The following MYT1L variants were observed in gnomAD, a reference collection of about 807,000 sequenced individuals.
MYT1L encodes myelin transcription factor 1-like protein.
In MYT1L, 12 loss-of-function variants were observed where a neutral mutation model predicts 126.7. That is an observed-to-expected ratio of 0.09 (90% confidence interval 0.06 to 0.15). MYT1L has a LOEUF of 0.15. Ranked by LOEUF, MYT1L falls within the 10% of genes least tolerant of loss-of-function variation. The pLI, the probability that MYT1L is intolerant of heterozygous loss-of-function variation, is 1.00. For missense variants in MYT1L, 979 were observed against 1,585.2 expected, an observed-to-expected ratio of 0.62 and a Z score of 6.49; for synonymous variants, 541 against 604.2, an observed-to-expected ratio of 0.90 and a Z score of 1.53.
intron 14 of MYT1L, among the ~76,000 whole-genome samples, chr2:1,895,326 C>T (rs150142110): frequency 3.9e-5 from 6 of 152,292 alleles, no homozygotes; most frequent in Admixed American, 2.6e-4. Flanking sequence ...AAACTACCAA[C>T]GTAATTCTTT....
intron 1 of MYT1L, among the ~76,000 whole-genome samples, chr2:2,299,946 A>C (rs879701971): frequency 6.6e-6 from 1 of 152,194 alleles, no homozygotes; most frequent in Non-Finnish European, 1.5e-5. Flanking sequence ...AAAGGGAAAA[A>C]AAATCAATAC....
At chr2:2,301,843 A>AG (rs1431475992) in intron 1 of MYT1L, among the ~76,000 whole-genome samples, 3 of 151,878 alleles carry the variant, frequency 2.0e-5, no homozygotes, top group African/African-American at 7.3e-5. Context: ...AAAAAAAAAA[A>AG]AAGAAGAAAA....
chr2:1,930,797 G>A (rs2054860518), intron 9 of MYT1L, among the ~76,000 whole-genome samples: 1 of 152,146 alleles, frequency 6.6e-6, no homozygotes, highest in African/African-American at 2.4e-5. Context: ...TTAGGTTCGG[G>A]GGTCCATGTG....
intron 5 of MYT1L, among the ~76,000 whole-genome samples, chr2:1,989,355 C>T (rs888886506): frequency 1.3e-5 from 2 of 152,108 alleles, no homozygotes; most frequent in African/African-American, 4.8e-5. Flanking sequence ...CTAGAAGAGG[C>T]GGCTCTCTGC....
chr2:2,000,324 G>C (rs1395090920), intron 4 of MYT1L, among the ~76,000 whole-genome samples: 4 of 152,164 alleles, frequency 2.6e-5, no homozygotes, highest in African/African-American at 4.8e-5. Flanking sequence ...CCCTTTTGTG[G>C]CTCCTAGTTC....
rs559488370 is a variant in MYT1L, at chr2:2,019,544, T to C, written c.-157-22197A>G. Among the ~76,000 whole-genome samples the C allele has an allele frequency of 2.6e-5, 4 of 152,346 alleles. No individual in the cohort carries two copies. The East Asian group carries it at 7.7e-4, about 29-fold the overall frequency. On this transcript the variant is annotated intron_variant, in intron 4 of 24. Transcript: ENST00000647738. ...TAACCCCAAGTCCACTTATCTCAAG[T>C]GATACATAAATATATTCTCAGTGTG...
chr2:1,816,538 T>C (rs1438017921), intron 21 of MYT1L: 1 of 152,736 alleles, frequency 6.5e-6, no homozygotes, highest in Non-Finnish European at 1.5e-5. Flanking sequence ...GGGGAGGAGG[T>C]GCTGCGTGAG....
chr2:1,799,374 T>A (rs1443274693), intron 23 of MYT1L, among the ~76,000 whole-genome samples: 1 of 152,196 alleles, frequency 6.6e-6, no homozygotes, highest in African/African-American at 2.4e-5. Flanking sequence ...TGCGTTGTTC[T>A]TTAGGGCTCA....
chr2:1,883,138 G>A (rs552534677), intron 18 of MYT1L, among the ~76,000 whole-genome samples: 269 of 152,302 alleles, frequency 1.8e-3, no homozygotes, highest in Non-Finnish European at 2.6e-3. Flanking sequence ...CCTACAAGGA[G>A]TTACACTAAT....
At chr2:2,052,069 A>G (rs2068895913) in intron 4 of MYT1L, among the ~76,000 whole-genome samples, 3 of 152,232 alleles carry the variant, frequency 2.0e-5, no homozygotes, top group Admixed American at 2.0e-4. Flanking sequence ...CTGTAATCAA[A>G]ATAGTGTGGT....
At chr2:2,140,432 C>CTTTTTTT (rs35297300) in intron 3 of MYT1L, among the ~76,000 whole-genome samples, 170 of 112,924 alleles carry the variant, frequency 1.5e-3, no homozygotes, top group Non-Finnish European at 2.0e-3. Context: ...CTTTCTTTTT[C>CTTTTTTT]TTTTTTTTTT....
At chr2:1,876,490 C>A (rs1004878143) in intron 18 of MYT1L, among the ~76,000 whole-genome samples, 1 of 152,124 alleles carries the variant, frequency 6.6e-6, no homozygotes, top group Non-Finnish European at 1.5e-5. Flanking sequence ...CCTGACCCCC[C>A]CGTCCATCTG....
At chr2:1,982,672 C>A (rs568922419) in intron 5 of MYT1L, among the ~76,000 whole-genome samples, 1 of 152,274 alleles carries the variant, frequency 6.6e-6, no homozygotes, top group African/African-American at 2.4e-5. Context: ...CCAGGAGAGA[C>A]AAAGCTGGGG....
intron 8 of MYT1L, among the ~76,000 whole-genome samples, chr2:1,964,533 G>A (rs1030137469): frequency 6.6e-6 from 1 of 152,080 alleles, no homozygotes; most frequent in African/African-American, 2.4e-5. Flanking sequence ...GGCGAAAGTT[G>A]CTCTAAGAAA....
intron 18 of MYT1L, among the ~76,000 whole-genome samples, chr2:1,858,774 C>T (rs953596253): frequency 6.6e-6 from 1 of 152,216 alleles, no homozygotes; most frequent in Non-Finnish European, 1.5e-5. Flanking sequence ...GTGAAGTATG[C>T]GTATTTTGCA....
chr2:1,936,711 A>C (rs550312814), intron 9 of MYT1L, among the ~76,000 whole-genome samples: 28 of 152,300 alleles, frequency 1.8e-4, no homozygotes, highest in African/African-American at 6.5e-4. Flanking sequence ...CATCAGGGAT[A>C]TTTCCCTGAG....
At chr2:1,962,970 A>G (rs2059078415) in intron 8 of MYT1L, among the ~76,000 whole-genome samples, 1 of 152,248 alleles carries the variant, frequency 6.6e-6, no homozygotes, top group Admixed American at 6.5e-5. Context: ...CTTAATGGCA[A>G]CTGGAATGGT....
intron 1 of MYT1L, among the ~76,000 whole-genome samples, chr2:2,295,597 G>GAGAGAGAGAGAGAGAGACAGACAGAC (rs2095665412): frequency 1.1e-5 from 1 of 92,932 alleles, no homozygotes; most frequent in African/African-American, 5.0e-5. Flanking sequence ...GACAGACAGA[G>GAGAGAGAGAGAGAGAGACAGACAGAC]AGAGAGACAG....
intron 5 of MYT1L, among the ~76,000 whole-genome samples, chr2:1,996,705 G>C (rs368114084): frequency 5.0e-4 from 67 of 134,626 alleles, no homozygotes; most frequent in Admixed American, 3.0e-3. Context: ...GTGTAGATGG[G>C]CCGCCTTTAC....
Sources: gnomAD v4.1 joint callset for allele counts (sites outside exome capture counted in the v4.1 genomes callset) on GRCh38, gnomAD v4.1.1 for gene constraint, MANE v1.5 for transcripts, NCBI Gene and HGNC (gene_info 2026-07-23, HGNC 2026-07-21) for gene names.